The following GALNT10 variants were observed in gnomAD, a reference collection of about 807,000 sequenced individuals.
GALNT10 encodes GalNAc transferase 10.
Under a neutral mutation model 75.0 loss-of-function variants are expected in GALNT10, and 41 were observed. That is an observed-to-expected ratio of 0.55 (90% CI 0.43 to 0.71). GALNT10 has a LOEUF of 0.71. GALNT10 is among the 30% of genes least tolerant of loss of function. The probability of loss-of-function intolerance (pLI) is 0.00; values close to 1 mark genes in which losing one functional copy is unlikely to be tolerated. For missense variants in GALNT10, 727 were observed against 818.5 expected (o/e 0.89, Z 1.36); for synonymous variants, 302 against 313.0 (o/e 0.96, Z 0.37).
At chr5:154,205,273 C>T (rs1418518132) in intron 1 of GALNT10, among the ~76,000 whole-genome samples, 1 of 152,190 alleles carries the variant, frequency 6.6e-6, no homozygotes, top group Non-Finnish European at 1.5e-5. Flanking sequence ...GTCCTCAGTC[C>T]ACGTGGCTTC....
intron 1 of GALNT10, among the ~76,000 whole-genome samples, chr5:154,227,091 C>T (rs1581928326): frequency 6.6e-6 from 1 of 151,684 alleles, no homozygotes; most frequent in East Asian, 1.9e-4. Flanking sequence ...TTTCCATTTA[C>T]CTGTTGATGG....
intron 1 of GALNT10, among the ~76,000 whole-genome samples, chr5:154,200,818 G>A (rs1390524339): frequency 6.6e-6 from 1 of 152,174 alleles, no homozygotes; most frequent in African/African-American, 2.4e-5. Flanking sequence ...CTGGTGGCCT[G>A]TGGGCCAGAT....
chr5:154,219,550 T>C (rs538992539), intron 1 of GALNT10: 319 of 152,340 alleles, frequency 2.1e-3, no homozygotes, highest in Non-Finnish European at 4.0e-3. Flanking sequence ...TACCACCAGA[T>C]TGAAAAACCT....
intron 1 of GALNT10, among the ~76,000 whole-genome samples, chr5:154,275,330 T>C (rs2113044639): frequency 6.6e-6 from 1 of 152,338 alleles, no homozygotes; most frequent in East Asian, 1.9e-4. Context: ...GAATTGAGGA[T>C]AGTTGTTCAG....
intron 1 of GALNT10, among the ~76,000 whole-genome samples, chr5:154,276,328 C>T (rs1163501148): frequency 6.6e-6 from 1 of 152,096 alleles, no homozygotes; most frequent in Non-Finnish European, 1.5e-5. Flanking sequence ...CTAGAGGCTA[C>T]CCATACATGG....
chr5:154,366,542 A>C (rs779275181), intron 4 of GALNT10, among the ~76,000 whole-genome samples: 2 of 152,206 alleles, frequency 1.3e-5, no homozygotes, highest in East Asian at 3.8e-4. Flanking sequence ...GTTAGGTCCA[A>C]TTCCCTCAGA....
At chr5:154,386,572 C>A in intron 7 of GALNT10, 142 bp downstream of exon 7, 1 of 377,626 alleles carries the variant, frequency 2.6e-6, no homozygotes, top group Admixed American at 4.0e-5. Flanking sequence ...GTGAAGAAGA[C>A]AGGGGCTCAT....
At chr5:154,318,808 G>A (rs1366016110) in intron 3 of GALNT10, among the ~76,000 whole-genome samples, 1 of 152,172 alleles carries the variant, frequency 6.6e-6, no homozygotes, top group African/African-American at 2.4e-5. Context: ...TTCAATGTGT[G>A]TCAATCAACA....
At chr5:154,229,241 C>A (rs1462848119) in intron 1 of GALNT10, among the ~76,000 whole-genome samples, 1 of 152,212 alleles carries the variant, frequency 6.6e-6, no homozygotes. Context: ...ACATCTTTCC[C>A]TCTTACTAAA....
Position 154,331,909 on chromosome 5 carries a change from G to C in GALNT10, c.568+2171G>C, listed in dbSNP as rs550225408. 2.0e-5 allele frequency among the ~76,000 whole-genome samples: 3 copies of C among 152,238 alleles called. No individual in the cohort carries two copies. The South Asian group carries it at 6.2e-4, about 32-fold the overall frequency. ...CCCATATATTCTCTCATTTATTCTTGACAGCAGCCTCTGAGGGAAGCCTTG... is the reference window on the plus strand; with the variant it reads ...CCCATATATTCTCTCATTTATTCTTCACAGCAGCCTCTGAGGGAAGCCTTG... On this transcript the variant is annotated intron_variant, in intron 4 of 11. Transcript: ENST00000297107.
intron 4 of GALNT10, among the ~76,000 whole-genome samples, chr5:154,365,495 T>A (rs1755461756): frequency 6.6e-6 from 1 of 152,216 alleles, no homozygotes; most frequent in African/African-American, 2.4e-5. Flanking sequence ...TGACTTAGAC[T>A]TGAATTCCAG....
At chr5:154,327,688 A>G (rs895276121) in intron 3 of GALNT10, among the ~76,000 whole-genome samples, 1 of 152,236 alleles carries the variant, frequency 6.6e-6, no homozygotes, top group African/African-American at 2.4e-5. Flanking sequence ...CCTTTCCTAT[A>G]CTTTGGGGTG....
At chr5:154,393,259 T>A (rs1040871671) in intron 7 of GALNT10, among the ~76,000 whole-genome samples, 2 of 151,850 alleles carry the variant, frequency 1.3e-5, no homozygotes, top group African/African-American at 2.4e-5. Context: ...TATTTTGTAA[T>A]GACAGGGTCT....
chr5:154,298,699 A>G lies in GALNT10; in HGVS notation c.401+620A>G, dbSNP rs1390793792. 1.3e-5 allele frequency among the ~76,000 whole-genome samples: 2 copies of G among 152,238 alleles called. No homozygotes were observed. The highest frequency in any genetic ancestry group is 2.9e-5 in the Non-Finnish European group (2 of 68,044). On this transcript the variant is annotated intron_variant, in intron 3 of 11. Transcript: ENST00000297107. The surrounding 1 kb of genome is among the most constrained non-coding windows in gnomAD (Gnocchi z 4.1). ...TGATTGACAGAATAAGACAGGCCTT[A>G]GACTCCAGTTCAATCAAAAACTATA... is the stretch of plus-strand genomic sequence containing the variant.
In GALNT10 at chr5:154,307,464, C is replaced by T. The variant is rs181334302; in HGVS notation, c.401+9385C>T. Among the ~76,000 whole-genome samples the T allele has an allele frequency of 1.9e-3, 281 of 151,836 alleles. 1 individual carries two copies. The highest frequency in any genetic ancestry group is 6.4e-3 in the African/African-American group (265 of 41,406). ...TGAAACCCCGTCTCTACTAAAAACACAAAAAATTAGCCAGGCGTGGTGGCA... is the reference window on the plus strand; with the variant it reads ...TGAAACCCCGTCTCTACTAAAAACATAAAAAATTAGCCAGGCGTGGTGGCA... On this transcript the variant is annotated intron_variant, in intron 3 of 11. Transcript: ENST00000297107.
chr5:154,334,583 G>GA (rs376937094), intron 4 of GALNT10, among the ~76,000 whole-genome samples: 11 of 152,328 alleles, frequency 7.2e-5, no homozygotes, highest in African/African-American at 2.6e-4. Flanking sequence ...TGTTTTTCCA[G>GA]AAAAATTAGT....
chr5:154,272,012 T>G (rs1302595876), intron 1 of GALNT10, among the ~76,000 whole-genome samples: 1 of 152,218 alleles, frequency 6.6e-6, no homozygotes, highest in Non-Finnish European at 1.5e-5. Context: ...TAATTATGCT[T>G]TGCCTGGCAG....
intron 7 of GALNT10, chr5:154,392,814 T>C (rs747202588): frequency 1.3e-5 from 2 of 152,106 alleles, no homozygotes; most frequent in Non-Finnish European, 2.9e-5. Context: ...AGTGGGTATA[T>C]CTTCTGTGAA....
chr5:154,210,469 T>C (rs1775179764), intron 1 of GALNT10, among the ~76,000 whole-genome samples: 1 of 152,180 alleles, frequency 6.6e-6, no homozygotes, highest in African/African-American at 2.4e-5. Context: ...GGTGTCCCTA[T>C]TCCAAGAGAA....
Sources: gnomAD v4.1 joint callset for allele counts (sites outside exome capture counted in the v4.1 genomes callset) on GRCh38, gnomAD v4.1.1 for gene constraint, Gnocchi (gnomAD v3.1) non-coding constraint, MANE v1.5 for transcripts, NCBI Gene and HGNC (gene_info 2026-07-23, HGNC 2026-07-21) for gene names.